Variants in CADPS observed in about 807,000 individuals in gnomAD.
The protein encoded by CADPS is calcium dependent secretion activator, also known as calcium-dependent secretion activator 1.
CADPS carries 57 observed loss-of-function variants against 167.3 expected under a neutral mutation model. The observed-to-expected ratio is 0.34, with a 90% confidence interval of 0.28 to 0.42. The LOEUF is 0.42. Ranked by LOEUF, CADPS falls within the 20% of genes least tolerant of loss-of-function variation. CADPS has a pLI of 1.00. For synonymous variants in CADPS, 676 were observed against 635.3 expected, an observed-to-expected ratio of 1.06 and a Z score of -0.96; for missense variants, 1,414 against 1,738.1, an observed-to-expected ratio of 0.81 and a Z score of 3.32.
intron 3 of CADPS, among the ~76,000 whole-genome samples, chr3:62,716,045 A>T (rs1172172285): frequency 6.8e-6 from 1 of 146,298 alleles, no homozygotes; most frequent in East Asian, 2.1e-4. Context: ...GCATCCGACC[A>T]TAAATCTATT....
At chr3:62,721,337 G>T (rs1466575825) in intron 3 of CADPS, among the ~76,000 whole-genome samples, 1 of 151,876 alleles carries the variant, frequency 6.6e-6, no homozygotes, top group African/African-American at 2.4e-5. Flanking sequence ...TCACCAGGGG[G>T]GCATTTTAGC....
intron 21 of CADPS, among the ~76,000 whole-genome samples, chr3:62,484,302 A>T (rs1463252822): frequency 6.6e-6 from 1 of 152,200 alleles, no homozygotes. Context: ...AGAATCAAGG[A>T]GGTAATTCTA....
intron 1 of CADPS, among the ~76,000 whole-genome samples, chr3:62,812,079 G>A (rs1035340594): frequency 1.3e-5 from 2 of 152,040 alleles, no homozygotes; most frequent in Non-Finnish European, 2.9e-5. Context: ...ACACAGTAAT[G>A]CCAAGTAAAA....
intron 1 of CADPS, among the ~76,000 whole-genome samples, chr3:62,787,931 C>T (rs553094218): frequency 2.2e-4 from 33 of 152,308 alleles, no homozygotes; most frequent in African/African-American, 7.7e-4. Context: ...TCATCATCCT[C>T]ATCATGAAAT....
chr3:62,749,435 C>T (rs1413821716), intron 3 of CADPS, among the ~76,000 whole-genome samples: 6 of 152,102 alleles, frequency 3.9e-5, no homozygotes, highest in Non-Finnish European at 7.4e-5. Flanking sequence ...ATACGATATG[C>T]GTAAGAGGAA....
chr3:62,737,679 C>T (rs1041809503), intron 3 of CADPS, among the ~76,000 whole-genome samples: 2 of 152,056 alleles, frequency 1.3e-5, no homozygotes, highest in African/African-American at 4.8e-5. Flanking sequence ...ACTTCCTTTC[C>T]GTTTCTGTTT....
rs184304153 is a variant in CADPS at position 62,459,774 on chromosome 3, C to T, written c.3636+5593G>A. 4.6e-3 allele frequency among the ~76,000 whole-genome samples: 708 copies of T among 152,306 alleles called. 4 individuals are homozygous for T. The highest frequency in any genetic ancestry group is 0.013 in the Admixed American group (203 of 15,296). On this transcript the variant is annotated intron_variant, in intron 26 of 29. Transcript: ENST00000383710. ...GTCCATCTTATCCATTGCTAACCCC[C>T]CCAGTGTCTAGCACATAGTAGGCAC...
chr3:62,413,897 A>AAC (rs1560053880), intron 28 of CADPS, among the ~76,000 whole-genome samples: 1 of 151,208 alleles, frequency 6.6e-6, no homozygotes, highest in East Asian at 1.9e-4. Context: ...TTTAAAAAAA[A>AAC]AAAAAAAAAT....
chr3:62,592,618 T>C lies in CADPS; in HGVS notation c.1437+19A>G. The C allele has an allele frequency of 6.3e-7, 1 of 1,584,346 alleles. No homozygotes were observed. The highest frequency in any genetic ancestry group is 8.7e-7 in the Non-Finnish European group (1 of 1,153,296). On this transcript the variant is annotated intron_variant, in intron 7 of 29. Coordinates refer to ENST00000383710, the MANE Select transcript of CADPS (RefSeq NM_003716.4). ...GAAATCCTCTCTGTGGAGTTCCCCTTGTGATAAGAAGTGCTTACCCGCCCA... is the reference window on the plus strand; with the variant it reads ...GAAATCCTCTCTGTGGAGTTCCCCTCGTGATAAGAAGTGCTTACCCGCCCA...
intron 1 of CADPS, among the ~76,000 whole-genome samples, chr3:62,836,819 C>T (rs2075968602): frequency 6.6e-6 from 1 of 152,072 alleles, no homozygotes; most frequent in Admixed American, 6.6e-5. Flanking sequence ...GCCCACCCCC[C>T]GTTGTCATCA....
At chr3:62,498,181 A>C (rs1303707060) in intron 18 of CADPS, 1 of 456,510 alleles carries the variant, frequency 2.2e-6, no homozygotes, top group Admixed American at 2.3e-5. Context: ...AGATTGAATA[A>C]AATAGTAGAA....
At chr3:62,469,527 T>A (rs1219059966) in intron 24 of CADPS, 1 of 152,422 alleles carries the variant, frequency 6.6e-6, no homozygotes, top group East Asian at 1.9e-4. Flanking sequence ...GGCCTTTTTT[T>A]TTTGAGATGG....
chr3:62,509,696 G>C (rs1034912907), intron 17 of CADPS, among the ~76,000 whole-genome samples: 1 of 152,136 alleles, frequency 6.6e-6, no homozygotes, highest in Admixed American at 6.5e-5. Context: ...CCCTCGGGAA[G>C]AATTTACAAT....
At chr3:62,846,031 A>C (rs1382060527) in intron 1 of CADPS, among the ~76,000 whole-genome samples, 1 of 147,888 alleles carries the variant, frequency 6.8e-6, no homozygotes, top group Non-Finnish European at 1.5e-5. Flanking sequence ...GGCCGTTTGA[A>C]AGTGTATATC....
chr3:62,412,128 T>C lies in CADPS; in HGVS notation c.3778-8943A>G, dbSNP rs1188843698. On this transcript the variant is annotated intron_variant, in intron 28 of 29. Transcript: ENST00000383710. The surrounding 1 kb of genome is among the most constrained non-coding windows in gnomAD (Gnocchi z 4.1). The stretch of plus-strand genomic sequence containing the variant: ...ACCTTCTCAGCTGCCCTAAGTGTCA[T>C]TTTTAGTTGAGGGTAGGATTTTTTT... 6.9e-4 allele frequency among the ~76,000 whole-genome samples: 104 copies of C among 150,354 alleles called. 3 individuals carry two copies. The Admixed American group carries it at 7.1e-3, about 10-fold the overall frequency.
chr3:62,596,999 G>C (rs1185782960), intron 6 of CADPS, among the ~76,000 whole-genome samples: 1 of 152,096 alleles, frequency 6.6e-6, no homozygotes, highest in Non-Finnish European at 1.5e-5. Flanking sequence ...AGCATTATTA[G>C]TGATTAGCAA....
intron 9 of CADPS, among the ~76,000 whole-genome samples, chr3:62,559,306 G>C (rs919510627): frequency 1.3e-5 from 2 of 152,244 alleles, no homozygotes; most frequent in African/African-American, 4.8e-5. Context: ...TTCACTAGTT[G>C]AATCTGATTG....
At chr3:62,508,346 A>G (rs1421722250) in intron 17 of CADPS, among the ~76,000 whole-genome samples, 1 of 151,960 alleles carries the variant, frequency 6.6e-6, no homozygotes, top group African/African-American at 2.4e-5. Context: ...TGACCAAGAA[A>G]CCTCTTTTGT....
chr3:62,589,241 A>G (rs1190342721), intron 7 of CADPS, among the ~76,000 whole-genome samples: 1 of 152,236 alleles, frequency 6.6e-6, no homozygotes, highest in Non-Finnish European at 1.5e-5. Flanking sequence ...GTGTGGCTTC[A>G]CTGCACTCTT....
Sources: gnomAD v4.1 joint callset for allele counts (sites outside exome capture counted in the v4.1 genomes callset) on GRCh38, gnomAD v4.1.1 for gene constraint, Gnocchi (gnomAD v3.1) non-coding constraint, MANE v1.5 for transcripts, NCBI Gene and HGNC (gene_info 2026-07-23, HGNC 2026-07-21) for gene names.